EIF2S3B: variants seen among roughly 807,000 people sequenced by gnomAD.
The protein encoded by EIF2S3B is eukaryotic translation initiation factor 2 subunit 3B.
In EIF2S3B, 16 loss-of-function variants were observed where a neutral mutation model predicts 26.4. The observed-to-expected ratio is 0.61, with a 90% confidence interval of 0.41 to 0.92. The LOEUF (loss-of-function observed/expected upper bound fraction) is 0.92. Ranked by LOEUF, EIF2S3B falls within the 40% of genes least tolerant of loss-of-function variation. The pLI, the probability that EIF2S3B is intolerant of heterozygous loss-of-function variation, is 0.00. For missense variants in EIF2S3B, 510 were observed against 575.5 expected, an observed-to-expected ratio of 0.89 and a Z score of 1.16; for synonymous variants, 183 against 204.4, an observed-to-expected ratio of 0.90 and a Z score of 0.89.
intron 1 of EIF2S3B, among the ~76,000 whole-genome samples, chr12:10,518,421 A>G (rs1342982274): frequency 7.3e-5 from 11 of 151,490 alleles, no homozygotes; most frequent in African/African-American, 2.7e-4. Context: ...TAGGATTGCA[A>G]CCCCTGCCTT....
chr12:10,522,745 C>T, exon 2 of EIF2S3B: 1 of 668,916 alleles, frequency 1.5e-6, no homozygotes, highest in Non-Finnish European at 2.7e-6. Context: ...ACATGATCCC[C>T]TTTCTGCTCT....
chr12:10,510,443 T>A (rs1053663382), downstream of EIF2S3B, among the ~76,000 whole-genome samples: 4 of 152,214 alleles, frequency 2.6e-5, no homozygotes, highest in Non-Finnish European at 5.9e-5. Context: ...GATCTTGGCA[T>A]GACTTCTTAC....
intron 1 of EIF2S3B, among the ~76,000 whole-genome samples, chr12:10,517,529 C>G (rs1237864591): frequency 6.6e-6 from 1 of 152,114 alleles, no homozygotes; most frequent in Non-Finnish European, 1.5e-5. Context: ...TGCTAGCAAT[C>G]TATCAATTTT....
chr12:10,507,412 G>A lies in EIF2S3B; in HGVS notation c.*91G>A, dbSNP rs1864650052. On this transcript the variant is annotated 3_prime_UTR_variant, in exon 1 of 1. Transcript: ENST00000538173. The stretch of plus-strand genomic sequence containing the variant: ...GGGTTTATTTTCAAAGCGATATTGG[G>A]GAATTGATTTCACAGTTTGTTACCT... 6.9e-7 allele frequency: 1 copy of A among 1,449,782 alleles called. No individual in the cohort carries two copies. The highest frequency in any genetic ancestry group is 2.3e-5 in the East Asian group (1 of 43,950). 89.8% of individuals were successfully genotyped at this position (1,449,782 alleles called of 1,614,324 possible).
chr12:10,513,301 C>G (rs73070521), downstream of EIF2S3B, among the ~76,000 whole-genome samples: 21,778 of 152,162 alleles, frequency 0.14, 1,600 homozygotes, highest in Middle Eastern at 0.17. Flanking sequence ...AGATAATTTA[C>G]GTAAATATTA....
At chr12:10,511,947 A>T (rs1325375766), downstream of EIF2S3B, among the ~76,000 whole-genome samples, 3 of 149,670 alleles carry the variant, frequency 2.0e-5, no homozygotes, top group Non-Finnish European at 4.4e-5. Context: ...TTCTGCCTCT[A>T]TTCACCATTG....
intron 1 of EIF2S3B, among the ~76,000 whole-genome samples, chr12:10,514,270 T>C (rs1380814870): frequency 2.0e-5 from 3 of 151,900 alleles, no homozygotes; most frequent in African/African-American, 2.4e-5. Flanking sequence ...TATTTACTCA[T>C]ATTTTATTTC....
At chr12:10,509,123 C>G (rs898255725), downstream of EIF2S3B, among the ~76,000 whole-genome samples, 23 of 151,970 alleles carry the variant, frequency 1.5e-4, no homozygotes, top group African/African-American at 5.6e-4. Context: ...GTTATTTTGT[C>G]CTGTTAAATG....
intron 1 of EIF2S3B, among the ~76,000 whole-genome samples, chr12:10,514,407 C>T (rs1864734798): frequency 6.6e-6 from 1 of 152,060 alleles, no homozygotes; most frequent in African/African-American, 2.4e-5. Context: ...TTTTCAAATA[C>T]TTATTATATT....
At chr12:10,515,878 A>C (rs895225991) in intron 1 of EIF2S3B, among the ~76,000 whole-genome samples, 1 of 151,302 alleles carries the variant, frequency 6.6e-6, no homozygotes, top group Non-Finnish European at 1.5e-5. Flanking sequence ...TGTATATTAT[A>C]TACATACTAC....
chr12:10,521,707 A>C (rs1001704713), intron 1 of EIF2S3B, among the ~76,000 whole-genome samples: 7 of 152,208 alleles, frequency 4.6e-5, no homozygotes, highest in Non-Finnish European at 1.0e-4. Flanking sequence ...TGTTCTCAAT[A>C]GCAAGCCAAG....
chr12:10,518,982 T>A (rs955872646), intron 1 of EIF2S3B, among the ~76,000 whole-genome samples: 2 of 151,890 alleles, frequency 1.3e-5, no homozygotes, highest in Non-Finnish European at 2.9e-5. Context: ...TACCAATGAC[T>A]TTCTTCACAG....
Position 10,507,591 on chromosome 12 carries a change from CA to C in EIF2S3B, c.*271del. On this transcript the variant is annotated 3_prime_UTR_variant, in exon 1 of 1. Coordinates refer to ENST00000538173, the MANE Select transcript of EIF2S3B (RefSeq NM_001357734.3). ...CATAATGTCAAAATTATACATTATGCAGTTTTTTTGTTTGTTTTATTTTGTT... is the reference window on the plus strand; with the variant it reads ...CATAATGTCAAAATTATACATTATGCGTTTTTTTGTTTGTTTTATTTTGTT... 1.6e-5 allele frequency: 9 copies of C among 560,906 alleles called. No individual in the cohort carries two copies. In the South Asian group the frequency reaches 2.2e-4, roughly 14 times the overall value. The allele number at this position is 560,906 out of a possible 1,614,324, so 34.7% of individuals were successfully genotyped here.
At chr12:10,521,928 AATCG>A (rs1864837162) in intron 1 of EIF2S3B, among the ~76,000 whole-genome samples, 1 of 152,216 alleles carries the variant, frequency 6.6e-6, no homozygotes, top group Non-Finnish European at 1.5e-5. Flanking sequence ...GCCACAAATT[AATCG>A]TATGGCCTTA....
chr12:10,518,536 G>A (rs1174431978), intron 1 of EIF2S3B, among the ~76,000 whole-genome samples: 4 of 152,070 alleles, frequency 2.6e-5, no homozygotes, highest in African/African-American at 7.2e-5. Context: ...CACACTGATG[G>A]GTCTTGACTC....
chr12:10,518,029 A>T (rs1386897899), intron 1 of EIF2S3B, among the ~76,000 whole-genome samples: 3 of 151,516 alleles, frequency 2.0e-5, no homozygotes, highest in African/African-American at 7.3e-5. Context: ...CTTTACTTCC[A>T]ACTATGTGGT....
rs138633019 is a variant in EIF2S3B, at chr12:10,521,388, T to G, written c.1309-1215T>G. ...TTCTAACTACTCTGCAGAGTGATGT[T>G]TTTTTTTCAATTTATAGATGAGGCA... is the stretch of plus-strand genomic sequence containing the variant. On this transcript the variant is annotated intron_variant, in intron 1 of 1. Coordinates refer to the EIF2S3B transcript ENST00000322446. 3.1e-3 allele frequency among the ~76,000 whole-genome samples: 474 copies of G among 152,212 alleles called. 6 individuals carry two copies. The highest frequency in any genetic ancestry group is 0.011 in the African/African-American group (447 of 41,544).
At position 10,507,610 on chromosome 12, in the gene EIF2S3B, ATTTTG is replaced by A. The variant is rs113924453; in HGVS notation, c.*299_*303del. ...ATTATGCAGTTTTTTTGTTTGTTTT[ATTTTG>A]TTTTGTTTTTGAGTCTGGCTTTGTC... On this transcript the variant is annotated 3_prime_UTR_variant, in exon 1 of 1. Coordinates refer to ENST00000538173, the MANE Select transcript of EIF2S3B (RefSeq NM_001357734.3). 7,608 of 530,626 alleles carry A rather than the reference ATTTTG, an allele frequency of 0.014. 466 individuals carry two copies. The highest frequency in any genetic ancestry group is 0.13 in the African/African-American group (6,805 of 52,074). 32.9% of individuals were successfully genotyped at this position (530,626 alleles called of 1,614,324 possible). A position where few individuals can be genotyped will look rare whatever the true frequency, so the allele number is the denominator to read the frequency against.
At chr12:10,511,868 AG>A (rs149218826), downstream of EIF2S3B, among the ~76,000 whole-genome samples, 16,996 of 152,240 alleles carry the variant, frequency 0.11, 1,181 homozygotes, top group Non-Finnish European at 0.17. Flanking sequence ...AAAATGTAAA[AG>A]CACAGTCTAT....
Sources: allele counts gnomAD v4.1 joint callset (sites outside exome capture counted in the v4.1 genomes callset), GRCh38; gene constraint gnomAD v4.1.1; transcripts MANE v1.5; gene names NCBI Gene and HGNC (gene_info 2026-07-23, HGNC 2026-07-21).